Variants in EXOC6B observed in about 807,000 individuals in gnomAD.
EXOC6B encodes the protein SEC15 homolog B.
Under a neutral mutation model 113.5 loss-of-function variants are expected in EXOC6B, and 54 were observed. The observed-to-expected ratio is 0.48, with a 90% confidence interval of 0.38 to 0.60. EXOC6B has a LOEUF of 0.60. EXOC6B is among the 20% of genes least tolerant of loss of function. EXOC6B has a pLI of 0.00. For synonymous variants in EXOC6B, 357 were observed against 339.0 expected (o/e 1.05, Z -0.58); for missense variants, 797 against 977.5 (o/e 0.82, Z 2.46).
intron 18 of EXOC6B, among the ~76,000 whole-genome samples, chr2:72,388,765 G>C (rs1471660560): frequency 6.6e-6 from 1 of 152,080 alleles, no homozygotes; most frequent in Non-Finnish European, 1.5e-5. Flanking sequence ...CGGTTGTAAT[G>C]TCTTCTTGAT....
chr2:72,336,734 C>T (rs1688714156), intron 19 of EXOC6B, among the ~76,000 whole-genome samples: 2 of 152,098 alleles, frequency 1.3e-5, no homozygotes, highest in East Asian at 1.9e-4. Context: ...TGGCCAGGTG[C>T]GATGGCCCAT....
intron 2 of EXOC6B, among the ~76,000 whole-genome samples, chr2:72,736,769 C>T (rs900043391): frequency 2.5e-4 from 38 of 152,296 alleles, no homozygotes; most frequent in Admixed American, 1.4e-3. Flanking sequence ...AGAGACAAAA[C>T]ATTGTGCTGA....
intron 20 of EXOC6B, among the ~76,000 whole-genome samples, chr2:72,207,166 A>G (rs1679889328): frequency 6.6e-6 from 1 of 152,232 alleles, no homozygotes; most frequent in Non-Finnish European, 1.5e-5. Flanking sequence ...TTTAACAGCT[A>G]TATACCGTAC....
intron 18 of EXOC6B, among the ~76,000 whole-genome samples, chr2:72,410,111 G>A (rs1326117708): frequency 6.6e-6 from 1 of 152,148 alleles, no homozygotes; most frequent in East Asian, 1.9e-4. Context: ...CCAGAGTTCT[G>A]ACAAAATTGG....
intron 7 of EXOC6B, among the ~76,000 whole-genome samples, chr2:72,570,128 C>T (rs1366577194): frequency 6.6e-6 from 1 of 151,872 alleles, no homozygotes; most frequent in East Asian, 1.9e-4. Flanking sequence ...GGTTCTAATT[C>T]AATAGGACTG....
chr2:72,294,858 C>T (rs1311360744), intron 20 of EXOC6B, among the ~76,000 whole-genome samples: 2 of 152,110 alleles, frequency 1.3e-5, no homozygotes, highest in Non-Finnish European at 2.9e-5. Flanking sequence ...GGATTTCAGA[C>T]TTTGTTCCTT....
At chr2:72,269,870 T>A (rs1684373916) in intron 20 of EXOC6B, among the ~76,000 whole-genome samples, 1 of 152,002 alleles carries the variant, frequency 6.6e-6, no homozygotes, top group Admixed American at 6.6e-5. Context: ...CAGAAAAAAA[T>A]AAAAGGGTTG....
intron 11 of EXOC6B, among the ~76,000 whole-genome samples, chr2:72,501,534 T>C (rs1700318462): frequency 1.3e-5 from 2 of 152,134 alleles, no homozygotes; most frequent in African/African-American, 4.8e-5. Context: ...AATGGATTGA[T>C]AAACCTGGGA....
intron 20 of EXOC6B, among the ~76,000 whole-genome samples, chr2:72,310,485 GTCT>G (rs1687121236): frequency 6.6e-6 from 1 of 152,034 alleles, no homozygotes; most frequent in African/African-American, 2.4e-5. Context: ...AAATTGGGTT[GTCT>G]TCTTATTATT....
At chr2:72,580,788 G>C (rs1558815173) in intron 6 of EXOC6B, among the ~76,000 whole-genome samples, 1 of 152,162 alleles carries the variant, frequency 6.6e-6, no homozygotes, top group East Asian at 1.9e-4. Flanking sequence ...GAAGTACTCA[G>C]CACTCCTGCA....
chr2:72,387,615 A>G (rs537495140), intron 18 of EXOC6B, among the ~76,000 whole-genome samples: 2 of 152,286 alleles, frequency 1.3e-5, no homozygotes, highest in East Asian at 1.9e-4. Flanking sequence ...AGTCACCTAC[A>G]TGGTCAAATT....
intron 8 of EXOC6B, among the ~76,000 whole-genome samples, chr2:72,531,025 C>T (rs994674424): frequency 4.6e-5 from 7 of 152,002 alleles, no homozygotes; most frequent in African/African-American, 1.7e-4. Context: ...TCAATATCTG[C>T]CTTTTTATTG....
intron 6 of EXOC6B, among the ~76,000 whole-genome samples, chr2:72,579,151 C>A (rs1338606968): frequency 6.6e-6 from 1 of 152,102 alleles, no homozygotes; most frequent in African/African-American, 2.4e-5. Flanking sequence ...AATTAACTGA[C>A]TTAAATGTGG....
chr2:72,809,321 C>G (rs1352408056), intron 1 of EXOC6B, among the ~76,000 whole-genome samples: 3 of 151,886 alleles, frequency 2.0e-5, no homozygotes, highest in Admixed American at 2.0e-4. Flanking sequence ...CAAGTATATG[C>G]TGTTGATAGG....
chr2:72,732,083 T>C (rs1680673549), intron 3 of EXOC6B, among the ~76,000 whole-genome samples: 2 of 152,200 alleles, frequency 1.3e-5, no homozygotes, highest in South Asian at 4.1e-4. Flanking sequence ...CAAATAGATA[T>C]AAAAATATTG....
intron 6 of EXOC6B, among the ~76,000 whole-genome samples, chr2:72,653,030 G>A (rs1674308424): frequency 6.6e-6 from 1 of 151,440 alleles, no homozygotes; most frequent in Non-Finnish European, 1.5e-5. Context: ...TTATAATCCT[G>A]TTGCCATTTT....
At chr2:72,474,610 A>T (rs990064108) in intron 17 of EXOC6B, among the ~76,000 whole-genome samples, 4 of 151,910 alleles carry the variant, frequency 2.6e-5, no homozygotes, top group Non-Finnish European at 5.9e-5. Flanking sequence ...ATGTTTGGTT[A>T]TATTTTTGGT....
chr2:72,200,869 CTCAG>C lies in EXOC6B; in HGVS notation c.2197-16686_2197-16683del, dbSNP rs558492966. ...AAAGAGAATGTAAAATCCATCTTAC[CTCAG>C]TGAACAAATGTTAATGATTTGTCCA... is the stretch of plus-strand genomic sequence containing the variant. On this transcript the variant is annotated intron_variant, in intron 20 of 21. Coordinates refer to ENST00000272427, the MANE Select transcript of EXOC6B (RefSeq NM_015189.3). 4.1e-4 allele frequency among the ~76,000 whole-genome samples: 62 copies of C among 152,058 alleles called. 3 individuals carry two copies. The South Asian group carries it at 0.013, about 31-fold the overall frequency.
At chr2:72,307,028 C>T (rs1226000546) in intron 20 of EXOC6B, among the ~76,000 whole-genome samples, 1 of 152,118 alleles carries the variant, frequency 6.6e-6, no homozygotes, top group Non-Finnish European at 1.5e-5. Context: ...GTGTGTTTTC[C>T]CAAGTCCATA....
Sources: allele counts gnomAD v4.1 joint callset (sites outside exome capture counted in the v4.1 genomes callset), GRCh38; gene constraint gnomAD v4.1.1; transcripts MANE v1.5; gene names NCBI Gene and HGNC (gene_info 2026-07-23, HGNC 2026-07-21).